The following BNC2 variants were observed in gnomAD, a reference collection of about 807,000 sequenced individuals.
BNC2 encodes zinc finger protein basonuclin-2.
Under a neutral mutation model 76.3 loss-of-function variants are expected in BNC2, and 20 were observed. The ratio of observed to expected loss-of-function variants is 0.26; its 90% CI spans 0.18 to 0.38. BNC2 has a LOEUF of 0.38. Among genes scored for constraint, BNC2 ranks in the 10% least tolerant of loss-of-function variants. BNC2 has a pLI of 1.00. For synonymous variants in BNC2, 582 were observed against 514.8 expected (o/e 1.13, Z -1.77); for missense variants, 1,382 against 1,399.8 (o/e 0.99, Z 0.20).
intron 3 of BNC2, among the ~76,000 whole-genome samples, chr9:16,632,724 C>T (rs147922049): frequency 1.3e-5 from 2 of 152,210 alleles, no homozygotes; most frequent in African/African-American, 4.8e-5. Context: ...AATGAGACAC[C>T]CATCCCAAGG....
At chr9:16,696,406 T>A (rs2134494315) in intron 3 of BNC2, among the ~76,000 whole-genome samples, 1 of 152,262 alleles carries the variant, frequency 6.6e-6, no homozygotes, top group Middle Eastern at 3.4e-3. Flanking sequence ...ATGCTGCTCT[T>A]TTTGGAATAC....
intron 1 of BNC2, among the ~76,000 whole-genome samples, chr9:16,744,495 T>C (rs1315369900): frequency 6.6e-6 from 1 of 152,212 alleles, no homozygotes; most frequent in Admixed American, 6.5e-5. Flanking sequence ...TTAATGAGTT[T>C]GGTATGTAGA....
chr9:16,868,287 A>G (rs1238348425), intron 1 of BNC2: 1 of 152,214 alleles, frequency 6.6e-6, no homozygotes, highest in Non-Finnish European at 1.5e-5. Context: ...ACAAAATGTT[A>G]TGTAAAGCAC....
chr9:16,599,477 T>C (rs1291230589), intron 3 of BNC2, among the ~76,000 whole-genome samples: 1 of 152,160 alleles, frequency 6.6e-6, no homozygotes, highest in Non-Finnish European at 1.5e-5. Context: ...AACTTGTCTT[T>C]AAGTAAAGGT....
intron 3 of BNC2, among the ~76,000 whole-genome samples, chr9:16,678,261 CTTTTTCTTTTTTTT>C (rs1359417645): frequency 6.3e-4 from 48 of 75,884 alleles, no homozygotes; most frequent in African/African-American, 2.5e-3. Flanking sequence ...TGTTTTCTTT[CTTTTTCTTTTTTTT>C]TTTTTTTTTT....
At chr9:16,750,802 C>T (rs1368638210) in intron 1 of BNC2, among the ~76,000 whole-genome samples, 13 of 152,250 alleles carry the variant, frequency 8.5e-5, no homozygotes, top group African/African-American at 3.1e-4. Flanking sequence ...TCCTACCATG[C>T]TTGGCATGCT....
intron 1 of BNC2, among the ~76,000 whole-genome samples, chr9:16,756,347 A>T (rs1296530631): frequency 1.3e-5 from 2 of 152,010 alleles, no homozygotes; most frequent in Non-Finnish European, 2.9e-5. Context: ...CATGCAGTCA[A>T]CCTCCAAATC....
intron 3 of BNC2, among the ~76,000 whole-genome samples, chr9:16,621,511 G>A (rs1820867553): frequency 6.6e-6 from 1 of 152,192 alleles, no homozygotes; most frequent in Non-Finnish European, 1.5e-5. Flanking sequence ...TGATTCTAGA[G>A]CAATGTGCTT....
At chr9:16,843,310 G>A (rs1174832705) in intron 1 of BNC2, among the ~76,000 whole-genome samples, 4 of 152,162 alleles carry the variant, frequency 2.6e-5, no homozygotes, top group South Asian at 2.1e-4. Context: ...ATGGTCGTTC[G>A]AAAGGTGTAC....
chr9:16,613,981 C>T (rs781752256), intron 3 of BNC2, among the ~76,000 whole-genome samples: 1 of 152,100 alleles, frequency 6.6e-6, no homozygotes, highest in Non-Finnish European at 1.5e-5. Flanking sequence ...ATAACAGCCA[C>T]AAAAGAAAGG....
At chr9:16,544,224 T>A (rs939163143) in intron 5 of BNC2, among the ~76,000 whole-genome samples, 2 of 152,210 alleles carry the variant, frequency 1.3e-5, no homozygotes, top group Admixed American at 1.3e-4. Context: ...TCTCAATATA[T>A]ACCAATAAAT....
At chr9:16,729,948 T>C (rs1040290375) in intron 2 of BNC2, among the ~76,000 whole-genome samples, 4 of 152,108 alleles carry the variant, frequency 2.6e-5, no homozygotes, top group Admixed American at 1.3e-4. Flanking sequence ...TCGCTTTGCC[T>C]GTGTGTTTTT....
At chr9:16,800,477 C>CA (rs896239779) in intron 1 of BNC2, among the ~76,000 whole-genome samples, 6 of 151,000 alleles carry the variant, frequency 4.0e-5, no homozygotes, top group South Asian at 2.1e-4. Flanking sequence ...CTTTTCATAT[C>CA]AAAAAAAATA....
At chr9:16,575,317 C>T (rs1819452193) in intron 4 of BNC2, 2 of 985,280 alleles carry the variant, frequency 2.0e-6, no homozygotes, top group Admixed American at 6.1e-5. Context: ...CAACACCCTC[C>T]CACGAAACTC....
intron 1 of BNC2, among the ~76,000 whole-genome samples, chr9:16,836,020 A>C (rs527532059): frequency 1.3e-5 from 2 of 152,166 alleles, no homozygotes; most frequent in Non-Finnish European, 2.9e-5. Flanking sequence ...GCTGCAGTAC[A>C]TAATTATTTT....
chr9:16,548,526 T>C (rs985024435), intron 5 of BNC2, among the ~76,000 whole-genome samples: 2 of 151,844 alleles, frequency 1.3e-5, no homozygotes, highest in Admixed American at 1.3e-4. Flanking sequence ...CCACCTCAGC[T>C]TCCCAAGTAG....
Position 16,694,593 on chromosome 9 carries a change from C to A in BNC2, c.330+33204G>T, listed in dbSNP as rs189055010. 1.9e-3 allele frequency among the ~76,000 whole-genome samples: 292 copies of A among 152,198 alleles called. 1 individual carries two copies. Among genetic ancestry groups the A allele is most frequent in the Non-Finnish European group, 2.3e-3 (154 of 68,006 alleles). On this transcript the variant is annotated intron_variant, in intron 3 of 6. Coordinates refer to ENST00000380672, the MANE Select transcript of BNC2 (RefSeq NM_017637.6). ...GCTCTAAACAGGGGAGCCAGGGGAG[C>A]CTTTACCTTCTGCCAAGGCTCATAA...
At chr9:16,578,821 G>T (rs1478331499) in intron 4 of BNC2, among the ~76,000 whole-genome samples, 2 of 152,084 alleles carry the variant, frequency 1.3e-5, no homozygotes, top group Non-Finnish European at 2.9e-5. Flanking sequence ...GCACTGAGAA[G>T]ATAAAGCAAA....
At chr9:16,521,062 G>C (rs749463204) in intron 5 of BNC2, among the ~76,000 whole-genome samples, 5 of 152,142 alleles carry the variant, frequency 3.3e-5, no homozygotes, top group Admixed American at 1.3e-4. Context: ...GATATAAGAG[G>C]AACATACATC....
Sources: gnomAD v4.1 joint callset for allele counts (sites outside exome capture counted in the v4.1 genomes callset) on GRCh38, gnomAD v4.1.1 for gene constraint, MANE v1.5 for transcripts, NCBI Gene and HGNC (gene_info 2026-07-23, HGNC 2026-07-21) for gene names.